The following DDX10 variants were observed in gnomAD, a reference collection of about 807,000 sequenced individuals.
DDX10 encodes probable ATP-dependent RNA helicase DDX10.
Under a neutral mutation model 104.3 loss-of-function variants are expected in DDX10, and 74 were observed. That is an observed-to-expected ratio of 0.71 (90% CI 0.59 to 0.86). DDX10 has a LOEUF of 0.86. Ranked by LOEUF, DDX10 falls within the 40% of genes least tolerant of loss-of-function variation. The pLI, the probability that DDX10 is intolerant of heterozygous loss-of-function variation, is 0.00. For synonymous variants in DDX10, 351 were observed against 353.4 expected (o/e 0.99, Z 0.08); for missense variants, 952 against 1,040.0 (o/e 0.92, Z 1.16).
intron 13 of DDX10, among the ~76,000 whole-genome samples, chr11:108,801,634 C>G (rs1037972409): frequency 2.6e-5 from 4 of 152,146 alleles, no homozygotes; most frequent in African/African-American, 9.7e-5. Context: ...AGCAATGACC[C>G]CTTCCCCTGT....
intron 10 of DDX10, among the ~76,000 whole-genome samples, chr11:108,707,592 G>A (rs1219197400): frequency 6.6e-6 from 1 of 152,062 alleles, no homozygotes; most frequent in Non-Finnish European, 1.5e-5. Context: ...GGACAGATTT[G>A]TATTGATTTT....
intron 13 of DDX10, among the ~76,000 whole-genome samples, chr11:108,815,694 T>C (rs1862245755): frequency 6.6e-6 from 1 of 152,210 alleles, no homozygotes; most frequent in South Asian, 2.1e-4. Context: ...ATTTTTTTTC[T>C]AATAAACACA....
intron 13 of DDX10, among the ~76,000 whole-genome samples, chr11:108,786,669 A>G (rs982845033): frequency 6.6e-6 from 1 of 152,166 alleles, no homozygotes; most frequent in Non-Finnish European, 1.5e-5. Context: ...ATACAGGACT[A>G]GCTACTCCTG....
At chr11:108,898,626 C>A (rs1863471619) in intron 16 of DDX10, among the ~76,000 whole-genome samples, 1 of 150,412 alleles carries the variant, frequency 6.6e-6, no homozygotes, top group South Asian at 2.1e-4. Context: ...TCAAGTCATA[C>A]CAATAATTTT....
rs549546801 is a variant in DDX10, at chr11:108,902,478, T to C, written c.2305-15395T>C. 2.0e-5 allele frequency among the ~76,000 whole-genome samples: 3 copies of C among 152,300 alleles called. No individual in the cohort carries two copies. The East Asian group carries it at 5.8e-4, about 29-fold the overall frequency. On this transcript the variant is annotated intron_variant, in intron 16 of 17. Coordinates refer to ENST00000322536, the MANE Select transcript of DDX10 (RefSeq NM_004398.4). ...CTTCCCAGCTCTATAAACTATGTCA[T>C]TGAGAAAGTTATTTGGCCCCTTTAA...
intron 16 of DDX10, among the ~76,000 whole-genome samples, chr11:108,886,359 G>T (rs997257052): frequency 1.3e-5 from 2 of 152,144 alleles, no homozygotes; most frequent in Non-Finnish European, 2.9e-5. Context: ...CCAGAGCTAG[G>T]GTTCAAACTC....
chr11:108,931,151 C>T (rs1488313470), intron 17 of DDX10, among the ~76,000 whole-genome samples: 1 of 152,064 alleles, frequency 6.6e-6, no homozygotes, highest in Non-Finnish European at 1.5e-5. Context: ...CTCAGGGGGT[C>T]GGGGGACATC....
intron 13 of DDX10, chr11:108,729,774 C>G (rs1399077189): frequency 6.6e-6 from 1 of 152,192 alleles, no homozygotes; most frequent in Non-Finnish European, 1.5e-5. Context: ...GCCTGAGCAA[C>G]AGAGAGAGAC....
At chr11:108,827,589 C>G (rs1264358247) in intron 13 of DDX10, among the ~76,000 whole-genome samples, 5 of 152,140 alleles carry the variant, frequency 3.3e-5, no homozygotes, top group Non-Finnish European at 7.4e-5. Flanking sequence ...ACTTCTTAAA[C>G]GATTATAAAT....
At chr11:108,803,836 C>T (rs764687973) in intron 13 of DDX10, among the ~76,000 whole-genome samples, 1 of 152,100 alleles carries the variant, frequency 6.6e-6, no homozygotes, top group Admixed American at 6.5e-5. Flanking sequence ...AGCAAATGCT[C>T]ATGTGTTAGA....
intron 17 of DDX10, among the ~76,000 whole-genome samples, chr11:108,936,830 T>C (rs1246098235): frequency 6.6e-6 from 1 of 152,168 alleles, no homozygotes; most frequent in Non-Finnish European, 1.5e-5. Context: ...GAAGAAAAAT[T>C]GCCAGGAATA....
chr11:108,827,052 T>C (rs1327679907), intron 13 of DDX10, among the ~76,000 whole-genome samples: 2 of 152,246 alleles, frequency 1.3e-5, no homozygotes, highest in African/African-American at 4.8e-5. Flanking sequence ...TTTGAAGTTA[T>C]GTAACTTTGA....
chr11:108,751,413 A>G (rs1159011166), intron 13 of DDX10, among the ~76,000 whole-genome samples: 2 of 152,190 alleles, frequency 1.3e-5, no homozygotes, highest in Non-Finnish European at 2.9e-5. Flanking sequence ...GGAATCAAAG[A>G]CTAATTAGAA....
intron 3 of DDX10, 104 bp downstream of exon 3, chr11:108,675,830 GAT>G (rs1336369651): frequency 7.1e-7 from 1 of 1,415,192 alleles, no homozygotes; most frequent in African/African-American, 1.4e-5. Flanking sequence ...TAGATTTCAT[GAT>G]AGATTGGCTA....
intron 1 of DDX10, 152 bp from the exon 2 acceptor site, chr11:108,673,315 T>TC: frequency 1.6e-6 from 1 of 616,784 alleles, no homozygotes; most frequent in East Asian, 3.0e-5. Context: ...AGGGCATATT[T>TC]CGTTACAGAA....
At chr11:108,804,782 G>T (rs1021549638) in intron 13 of DDX10, among the ~76,000 whole-genome samples, 5 of 152,142 alleles carry the variant, frequency 3.3e-5, no homozygotes, top group African/African-American at 9.7e-5. Context: ...TTTGCTGGCT[G>T]TTGGCTGGAG....
intron 17 of DDX10, among the ~76,000 whole-genome samples, chr11:108,933,018 A>G (rs1028574003): frequency 6.6e-6 from 1 of 151,938 alleles, no homozygotes; most frequent in African/African-American, 2.4e-5. Context: ...AAAGAAAAAA[A>G]TTCATGACAC....
intron 13 of DDX10, among the ~76,000 whole-genome samples, chr11:108,837,544 G>A (rs1344768770): frequency 7.2e-6 from 1 of 139,816 alleles, no homozygotes; most frequent in African/African-American, 2.7e-5. Context: ...GTTTTAGGTT[G>A]TGAGCTAGGT....
intron 17 of DDX10, among the ~76,000 whole-genome samples, chr11:108,930,061 C>T (rs1863957707): frequency 6.6e-6 from 1 of 152,132 alleles, no homozygotes; most frequent in South Asian, 2.1e-4. Flanking sequence ...CATTGTATAT[C>T]TTATGGGTTT....
Sources: allele counts gnomAD v4.1 joint callset (sites outside exome capture counted in the v4.1 genomes callset), GRCh38; gene constraint gnomAD v4.1.1; transcripts MANE v1.5; gene names NCBI Gene and HGNC (gene_info 2026-07-23, HGNC 2026-07-21).